Variants in PHLDB1 observed in about 807,000 individuals in gnomAD.
The protein encoded by PHLDB1 is pleckstrin homology like domain family B member 1.
In PHLDB1, 65 loss-of-function variants were observed where a neutral mutation model predicts 139.3. That is an observed-to-expected ratio of 0.47 (90% CI 0.38 to 0.57). The LOEUF is 0.57. Among genes scored for constraint, PHLDB1 ranks in the 20% least tolerant of loss-of-function variants. The pLI, the probability that PHLDB1 is intolerant of heterozygous loss-of-function variation, is 0.00. For synonymous variants in PHLDB1, 679 were observed against 734.5 expected, an observed-to-expected ratio of 0.92 and a Z score of 1.22; for missense variants, 1,624 against 1,839.7, an observed-to-expected ratio of 0.88 and a Z score of 2.14.
intron 17 of PHLDB1, chr11:118,647,216 T>A (rs939086777): frequency 6.6e-6 from 1 of 152,216 alleles, no homozygotes; most frequent in African/African-American, 2.4e-5. Context: ...GAAAGGACTA[T>A]ATATTAGCTG....
intron 12 of PHLDB1, chr11:118,641,772 G>T: frequency 1.6e-6 from 2 of 1,288,978 alleles, no homozygotes; most frequent in Non-Finnish European, 2.0e-6. Context: ...CTTCCATCAC[G>T]CCTTCACCTA....
intron 17 of PHLDB1, 118 bp from the exon 18 acceptor site, chr11:118,647,812 C>A: frequency 9.4e-7 from 1 of 1,060,574 alleles, no homozygotes. Flanking sequence ...GAAGATGATG[C>A]CTCCTCATGC....
At chr11:118,627,173 C>G in intron 5 of PHLDB1, 132 bp from the exon 6 acceptor site, 3 of 862,060 alleles carry the variant, frequency 3.5e-6, no homozygotes, top group Non-Finnish European at 5.5e-6. Flanking sequence ...CTAGCTGGTA[C>G]CAGAACCACA....
In PHLDB1 at chr11:118,624,706, A is replaced by G. The variant is rs1433974209; in HGVS notation, c.356-228A>G. The G allele has an allele frequency of 2.4e-5, 10 of 411,618 alleles. No homozygotes were observed. In the East Asian group the frequency reaches 4.5e-4, roughly 18 times the overall value. 25.5% of individuals were successfully genotyped at this position (411,618 alleles called of 1,614,324 possible). A position where few individuals can be genotyped will look rare whatever the true frequency, so the allele number is the denominator to read the frequency against. On this transcript the variant is annotated intron_variant, in intron 4 of 22. Coordinates refer to ENST00000600882, the MANE Select transcript of PHLDB1 (RefSeq NM_001144758.3). ...AACCTCCGCTTCCTGGGTTCAAGCT[A>G]TTCTCTGATCTCAGTCTCCTGAGTA...
intron 6 of PHLDB1, among the ~76,000 whole-genome samples, chr11:118,630,982 T>G (rs1338247529): frequency 1.4e-5 from 2 of 145,110 alleles, no homozygotes; most frequent in Non-Finnish European, 1.5e-5. Context: ...TGTTATGCCA[T>G]GTGGGCATGT....
intron 12 of PHLDB1, chr11:118,639,774 C>A: frequency 3.9e-6 from 1 of 258,718 alleles, no homozygotes; most frequent in Non-Finnish European, 6.1e-6. Flanking sequence ...TCCCTCCCTG[C>A]CTCACTACAC....
In PHLDB1 at chr11:118,608,488, G is replaced by T. The variant is rs1188305911; in HGVS notation, c.-22+789G>T. On this transcript the variant is annotated intron_variant, in intron 1 of 22. Coordinates refer to ENST00000600882, the MANE Select transcript of PHLDB1 (RefSeq NM_001144758.3). This position sits in a 1 kb window ranked among gnomAD's most constrained non-coding sequence, Gnocchi z 6.7. Reference sequence around the variant, plus strand: ...CAGGGTGGCCGAGTCGCCCGCTAGCGCTTCCGCCGAGGCAGGCTCGAGTGG... The same window carrying T: ...CAGGGTGGCCGAGTCGCCCGCTAGCTCTTCCGCCGAGGCAGGCTCGAGTGG... Among the ~76,000 whole-genome samples the T allele has an allele frequency of 6.6e-6, 1 of 152,120 alleles. No individual in the cohort carries two copies. Among genetic ancestry groups the T allele is most frequent in the Non-Finnish European group, 1.5e-5 (1 of 67,994 alleles).
Position 118,615,991 on chromosome 11 carries a change from C to A in PHLDB1, c.185-50C>A, listed in dbSNP as rs994134286. The stretch of plus-strand genomic sequence containing the variant: ...TGTGGCCCTCCTTGCCCTGTCACTG[C>A]CTCCTCAGCCTGGACAACCCCTCTG... On this transcript the variant is annotated intron_variant, in intron 3 of 22. Transcript: ENST00000600882. 26 of 1,499,354 alleles carry A rather than the reference C, an allele frequency of 1.7e-5. No homozygotes were observed. In the Admixed American group the frequency reaches 3.9e-4, roughly 23 times the overall value. The allele number at this position is 1,499,354 out of a possible 1,614,324, so 92.9% of individuals were successfully genotyped here. A position where few individuals can be genotyped will look rare whatever the true frequency, so the allele number is the denominator to read the frequency against.
intron 1 of PHLDB1, among the ~76,000 whole-genome samples, chr11:118,607,970 C>A (rs372171283): frequency 9.9e-5 from 15 of 152,080 alleles, no homozygotes; most frequent in Admixed American, 3.3e-4. Flanking sequence ...GCTCTCCCCC[C>A]CTTGGAGAAA....
intron 15 of PHLDB1, 45 bp downstream of exon 15, chr11:118,644,219 C>T: frequency 7.2e-7 from 1 of 1,393,746 alleles, no homozygotes; most frequent in East Asian, 2.4e-5. Flanking sequence ...TGAGGGGACC[C>T]TGGGTAGTTG....
rs1157452364 is a variant in PHLDB1 at position 118,649,542 on chromosome 11, G to A, written c.3655-535G>A. Among the ~76,000 whole-genome samples, 4 of 152,044 alleles carry A rather than the reference G, an allele frequency of 2.6e-5. No homozygotes were observed. The East Asian group carries it at 7.7e-4, about 29-fold the overall frequency. On this transcript the variant is annotated intron_variant, in intron 18 of 22. Coordinates refer to ENST00000600882, the MANE Select transcript of PHLDB1 (RefSeq NM_001144758.3). ...TATGATGTTTCCTGGCCATTTTAAT[G>A]TTCTTCTGGGACAGGAAGAGTAGAA...
chr11:118,639,370 G>C, intron 12 of PHLDB1, 119 bp downstream of exon 12: 1 of 738,698 alleles, frequency 1.4e-6, no homozygotes, highest in Non-Finnish European at 2.4e-6. Flanking sequence ...TCCTGAATGG[G>C]AGAGATTTGA....
At position 118,632,876 on chromosome 11, in the gene PHLDB1, G is replaced by A; in HGVS notation, c.2379+580G>A. The stretch of plus-strand genomic sequence containing the variant: ...GTGCCAAAAGCTCTGAAGTGGAGAG[G>A]GGTCATCTATTTCTGGATCTGACAG... On this transcript the variant is annotated intron_variant, in intron 9 of 22. Coordinates refer to ENST00000600882, the MANE Select transcript of PHLDB1 (RefSeq NM_001144758.3). The surrounding 1 kb of genome is among the most constrained non-coding windows in gnomAD (Gnocchi z 5.9). The A allele has an allele frequency of 1.0e-6, 1 of 980,366 alleles. No homozygotes were observed. The highest frequency in any genetic ancestry group is 1.2e-6 in the Non-Finnish European group (1 of 825,362). The allele number at this position is 980,366 out of a possible 1,614,324, so 60.7% of individuals were successfully genotyped here.
At chr11:118,617,659 T>C (rs1296062653) in intron 4 of PHLDB1, among the ~76,000 whole-genome samples, 1 of 151,930 alleles carries the variant, frequency 6.6e-6, no homozygotes, top group Non-Finnish European at 1.5e-5. Flanking sequence ...AGTCTTTTCT[T>C]CCTGCCCTCG....
rs1428457898 is a variant in PHLDB1, at chr11:118,643,569, A to G, written c.2878-231A>G. The stretch of plus-strand genomic sequence containing the variant: ...GGTCTGTTTACAGGTCTTTTCTTAG[A>G]CCCAGGGTTGGGCTAGGGATTGGCC... On this transcript the variant is annotated intron_variant, in intron 13 of 22. Coordinates refer to ENST00000600882, the MANE Select transcript of PHLDB1 (RefSeq NM_001144758.3). The G allele has an allele frequency of 8.1e-6, 8 of 985,160 alleles. No individual in the cohort carries two copies. In the East Asian group the frequency reaches 4.5e-4, roughly 56 times the overall value. 61.0% of individuals were successfully genotyped at this position (985,160 alleles called of 1,614,324 possible). A position where few individuals can be genotyped will look rare whatever the true frequency, so the allele number is the denominator to read the frequency against.
chr11:118,619,975 G>GAC (rs1225103503), intron 4 of PHLDB1, among the ~76,000 whole-genome samples: 1 of 152,184 alleles, frequency 6.6e-6, no homozygotes, highest in Admixed American at 6.5e-5. Context: ...GTGTGTGAGA[G>GAC]ACAGTGTGTT....
At chr11:118,644,244 T>C (rs1947076088) in intron 15 of PHLDB1, 70 bp downstream of exon 15, 3 of 1,011,010 alleles carry the variant, frequency 3.0e-6, no homozygotes, top group Admixed American at 2.0e-5. Flanking sequence ...GCCTCCTCTA[T>C]GCTCACACCT....
In PHLDB1 at chr11:118,645,165, G is replaced by A. The variant is rs1408879062; in HGVS notation, c.3122-191G>A. 2 of 506,234 alleles carry A rather than the reference G, an allele frequency of 4.0e-6. No homozygotes were observed. Among genetic ancestry groups the A allele is most frequent in the Non-Finnish European group, 3.4e-6 (1 of 290,776 alleles). The allele number at this position is 506,234 out of a possible 1,614,324, so 31.4% of individuals were successfully genotyped here. ...AGACTGTGCATCTGTGGCCGGTTGT[G>A]CAGGCGACTGAAGCATTGGCAGAGC... On this transcript the variant is annotated intron_variant, in intron 15 of 22. Coordinates refer to ENST00000600882, the MANE Select transcript of PHLDB1 (RefSeq NM_001144758.3). The surrounding 1 kb of genome is among the most constrained non-coding windows in gnomAD (Gnocchi z 5.1).
chr11:118,631,601 A>G, intron 7 of PHLDB1, 122 bp downstream of exon 7: 1 of 864,896 alleles, frequency 1.2e-6, no homozygotes, highest in Non-Finnish European at 1.7e-6. Context: ...AAGAGATTAG[A>G]GAGCAGAGGT....
Sources: gnomAD v4.1 joint callset for allele counts (sites outside exome capture counted in the v4.1 genomes callset) on GRCh38, gnomAD v4.1.1 for gene constraint, Gnocchi (gnomAD v3.1) non-coding constraint, MANE v1.5 for transcripts, NCBI Gene and HGNC (gene_info 2026-07-23, HGNC 2026-07-21) for gene names.